The following EPB41L3 variants were observed in gnomAD, a reference collection of about 807,000 sequenced individuals.
EPB41L3 encodes band 4.1-like protein 3.
Under a neutral mutation model 127.1 loss-of-function variants are expected in EPB41L3, and 57 were observed. The ratio of observed to expected loss-of-function variants is 0.45; its 90% CI spans 0.36 to 0.56. The LOEUF is 0.56. EPB41L3 is among the 20% of genes least tolerant of loss of function. The probability of loss-of-function intolerance (pLI) is 0.00; values close to 1 mark genes in which losing one functional copy is unlikely to be tolerated. For missense variants in EPB41L3, 1,273 were observed against 1,372.2 expected, an observed-to-expected ratio of 0.93 and a Z score of 1.14; for synonymous variants, 572 against 549.5, an observed-to-expected ratio of 1.04 and a Z score of -0.57.
intron 3 of EPB41L3, among the ~76,000 whole-genome samples, chr18:5,470,662 A>G (rs1169228046): frequency 2.0e-5 from 3 of 152,262 alleles, no homozygotes; most frequent in Non-Finnish European, 4.4e-5. Context: ...CGGAAGGGAC[A>G]ATGAAAATAA....
intron 1 of EPB41L3, among the ~76,000 whole-genome samples, chr18:5,525,551 G>A (rs563587828): frequency 6.6e-6 from 1 of 152,156 alleles, no homozygotes; most frequent in Admixed American, 6.5e-5. Context: ...GTAAGTTACT[G>A]AGCTGGGATT....
At position 5,487,146 on chromosome 18, in the gene EPB41L3, TAAAA is replaced by T. The variant is rs1486237313; in HGVS notation, c.183+1851_183+1854del. Among the ~76,000 whole-genome samples the T allele has an allele frequency of 1.3e-5, 2 of 152,016 alleles. 1 individual carries two copies. Among genetic ancestry groups the T allele is most frequent in the South Asian group, 4.1e-4 (2 of 4,832 alleles). On this transcript the variant is annotated intron_variant, in intron 2 of 22. Coordinates refer to ENST00000341928, the MANE Select transcript of EPB41L3 (RefSeq NM_012307.5). ...CACCCAATGAAATATTATTCAGCCA[TAAAA>T]AAGGAATGAAATCTTGTCATCTGCA...
intron 3 of EPB41L3, among the ~76,000 whole-genome samples, chr18:5,470,515 A>T (rs2085918239): frequency 6.6e-6 from 1 of 152,258 alleles, no homozygotes; most frequent in Non-Finnish European, 1.5e-5. Flanking sequence ...GTTAAAAAAA[A>T]TAGTTCAGTG....
chr18:5,429,983 C>A (rs1426135741), intron 8 of EPB41L3, among the ~76,000 whole-genome samples: 1 of 152,174 alleles, frequency 6.6e-6, no homozygotes, highest in African/African-American at 2.4e-5. Flanking sequence ...TGCTCTTTGA[C>A]TCATTTTCTT....
rs763963571 is a variant in EPB41L3 at position 5,433,884 on chromosome 18, A to G, written c.824+19T>C. ...TCCCATCAAGGCACAACTTAAATGA[A>G]CACCTTTCTGCCTCTAACCTGTGGC... On this transcript the variant is annotated intron_variant, in intron 7 of 22. Transcript: ENST00000341928. 24 of 1,613,306 alleles carry G rather than the reference A, an allele frequency of 1.5e-5. No homozygotes were observed. Among genetic ancestry groups the G allele is most frequent in the Non-Finnish European group, 2.0e-5 (24 of 1,179,372 alleles).
chr18:5,576,393 C>T (rs569174062), intron 3 of EPB41L3, among the ~76,000 whole-genome samples: 4 of 152,256 alleles, frequency 2.6e-5, no homozygotes, highest in Admixed American at 2.6e-4. Context: ...GACCCTCGTC[C>T]CTCAGGATGA....
Position 5,489,088 on chromosome 18 carries a change from G to T in EPB41L3, c.96C>A (p.Pro32=). The T allele has an allele frequency of 6.3e-7, 1 of 1,594,050 alleles. No individual in the cohort carries two copies. ...AAGAQGRAGA[P]VPEPPKEEQQ... ...GCTCCTCCTTGGGCGGCTCCGGCACGGGCGCCCCCGCGCGCCCCTGCGCCC... is the reference window on the plus strand; with the variant it reads ...GCTCCTCCTTGGGCGGCTCCGGCACTGGCGCCCCCGCGCGCCCCTGCGCCC... The change falls in exon 2 of 23, where the codon CCC becomes CCA. Residue 32 remains proline (P), a synonymous_variant. Transcript: ENST00000341928.
At chr18:5,408,516 C>A (rs2075794110) in intron 14 of EPB41L3, among the ~76,000 whole-genome samples, 1 of 151,898 alleles carries the variant, frequency 6.6e-6, no homozygotes, top group African/African-American at 2.4e-5. Context: ...CTCAAGTGAT[C>A]TGCCCGCCTC....
intron 2 of EPB41L3, chr18:5,614,325 C>A (rs1346714584): frequency 1.3e-5 from 2 of 152,184 alleles, no homozygotes; most frequent in East Asian, 3.8e-4. Flanking sequence ...CTTACATGAT[C>A]AGATGCATAT....
chr18:5,404,649 G>A (rs62080545), intron 16 of EPB41L3, among the ~76,000 whole-genome samples: 283 of 152,270 alleles, frequency 1.9e-3, no homozygotes, highest in Non-Finnish European at 3.7e-3. Context: ...TAGTCTAATA[G>A]CCTGGACTTA....
At chr18:5,406,108 C>T (rs141660549) in intron 16 of EPB41L3, among the ~76,000 whole-genome samples, 99 of 151,598 alleles carry the variant, frequency 6.5e-4, no homozygotes, top group East Asian at 1.2e-3. Context: ...AAAATTAGCC[C>T]GGTGTGGTGA....
intron 22 of EPB41L3, 135 bp from the exon 23 acceptor site, chr18:5,393,613 T>G (rs1324707225): frequency 1.7e-6 from 1 of 573,704 alleles, no homozygotes; most frequent in Admixed American, 2.9e-5. Flanking sequence ...CAGCGTTAAG[T>G]CACTGCCAAT....
intron 3 of EPB41L3, among the ~76,000 whole-genome samples, chr18:5,577,838 C>T (rs2094351850): frequency 6.6e-6 from 1 of 152,200 alleles, no homozygotes; most frequent in African/African-American, 2.4e-5. Flanking sequence ...TTTTGAACAT[C>T]TACAGATAGG....
intron 2 of EPB41L3, among the ~76,000 whole-genome samples, chr18:5,483,959 T>C (rs1328058206): frequency 2.0e-5 from 3 of 148,892 alleles, no homozygotes; most frequent in Non-Finnish European, 3.0e-5. Context: ...ACACACTAGA[T>C]CTAACAGGCC....
rs567491977 is a variant in EPB41L3, at chr18:5,493,125, A to C, written c.-11-3931T>G. Among the ~76,000 whole-genome samples, 3 of 152,328 alleles carry C rather than the reference A, an allele frequency of 2.0e-5. No individual in the cohort carries two copies. The South Asian group carries it at 6.2e-4, about 32-fold the overall frequency. On this transcript the variant is annotated intron_variant, in intron 1 of 22. Transcript: ENST00000341928. ...TCCACTTTTAGAAGTGGCAGCTCTAAAATCTCCATCTCCTAACTAAATGAC... is the reference window on the plus strand; with the variant it reads ...TCCACTTTTAGAAGTGGCAGCTCTACAATCTCCATCTCCTAACTAAATGAC...
chr18:5,443,972 G>A (rs1035812901), intron 4 of EPB41L3, 92 bp from the exon 5 acceptor site: 32 of 1,067,934 alleles, frequency 3.0e-5, no homozygotes, highest in Admixed American at 1.2e-4. Context: ...AATGCAGTGC[G>A]GAGTTAGTGG....
intron 13 of EPB41L3, among the ~76,000 whole-genome samples, chr18:5,411,365 TAAG>T (rs944098447): frequency 2.9e-4 from 44 of 152,198 alleles, no homozygotes; most frequent in Middle Eastern, 3.4e-3. Flanking sequence ...ATGAAGCAAA[TAAG>T]AAGAAGAATT....
chr18:5,465,860 A>C (rs895586482), intron 3 of EPB41L3, among the ~76,000 whole-genome samples: 8 of 152,130 alleles, frequency 5.3e-5, no homozygotes, highest in African/African-American at 1.9e-4. Flanking sequence ...TAATTCATGA[A>C]ATTCCTGTAG....
At chr18:5,533,916 G>A (rs945519163) in intron 1 of EPB41L3, among the ~76,000 whole-genome samples, 2 of 152,174 alleles carry the variant, frequency 1.3e-5, no homozygotes, top group African/African-American at 2.4e-5. Context: ...TGTAATCCCA[G>A]CACTTTGGGA....
Sources: allele counts gnomAD v4.1 joint callset (sites outside exome capture counted in the v4.1 genomes callset), GRCh38; gene constraint gnomAD v4.1.1; transcripts MANE v1.5; gene names NCBI Gene and HGNC (gene_info 2026-07-23, HGNC 2026-07-21).